Variants in AGBL4 observed in about 807,000 individuals in gnomAD.
The protein encoded by AGBL4 is AGBL carboxypeptidase 4, also known as cytosolic carboxypeptidase 6.
In AGBL4, 58 loss-of-function variants were observed where a neutral mutation model predicts 66.4. The observed-to-expected ratio is 0.87, with a 90% CI of 0.71 to 1.09. The LOEUF is 1.09. Among genes scored for constraint, AGBL4 ranks in the 50% least tolerant of loss-of-function variants. The pLI is 0.00. For synonymous variants in AGBL4, 234 were observed against 222.9 expected (o/e 1.05, Z -0.44); for missense variants, 579 against 631.0 (o/e 0.92, Z 0.88).
chr1:49,476,890 C>T (rs147527620), intron 3 of AGBL4, among the ~76,000 whole-genome samples: 1 of 152,048 alleles, frequency 6.6e-6, no homozygotes, highest in East Asian at 1.9e-4. Context: ...ACTGAAGAGC[C>T]CTTGGGCCTG....
chr1:48,564,841 G>A (rs1281003138), intron 11 of AGBL4, among the ~76,000 whole-genome samples: 2 of 152,120 alleles, frequency 1.3e-5, no homozygotes, highest in African/African-American at 4.8e-5. Flanking sequence ...GTCAGCCATG[G>A]GCCACCAGTT....
At chr1:49,616,290 A>G (rs1421892046) in intron 3 of AGBL4, among the ~76,000 whole-genome samples, 2 of 152,070 alleles carry the variant, frequency 1.3e-5, no homozygotes, top group Non-Finnish European at 1.5e-5. Flanking sequence ...CACATCCCTC[A>G]ATTTACTTGA....
intron 2 of AGBL4, among the ~76,000 whole-genome samples, chr1:49,738,141 G>A (rs1217283518): frequency 6.6e-6 from 1 of 152,242 alleles, no homozygotes; most frequent in East Asian, 1.9e-4. Context: ...AGGGATTAGG[G>A]AATTCCCTTT....
chr1:48,939,117 C>T (rs1655726910), intron 5 of AGBL4, among the ~76,000 whole-genome samples: 1 of 152,218 alleles, frequency 6.6e-6, no homozygotes, highest in Non-Finnish European at 1.5e-5. Flanking sequence ...GCTAGAGCAA[C>T]ATCTCTTTAT....
intron 4 of AGBL4, among the ~76,000 whole-genome samples, chr1:49,072,382 G>T (rs1644624800): frequency 6.6e-6 from 1 of 152,178 alleles, no homozygotes; most frequent in African/African-American, 2.4e-5. Flanking sequence ...GCTGGTACCG[G>T]TTGTCCCTTT....
In AGBL4 at chr1:49,394,898, C is replaced by T. The variant is rs746920292; in HGVS notation, c.283-149034G>A. On this transcript the variant is annotated intron_variant, in intron 3 of 13. Coordinates refer to ENST00000371839, the MANE Select transcript of AGBL4 (RefSeq NM_032785.4). ...ATCAGGTGTTTATTTTCATTCTGGTCTCTCTGCCTAATGCTTTCCTTCAAA... is the reference window on the plus strand; with the variant it reads ...ATCAGGTGTTTATTTTCATTCTGGTTTCTCTGCCTAATGCTTTCCTTCAAA... Among the ~76,000 whole-genome samples, 107 of 152,290 alleles carry T rather than the reference C, an allele frequency of 7.0e-4. 1 individual carries two copies. Among genetic ancestry groups the T allele is most frequent in the Middle Eastern group, 3.4e-3 (1 of 294 alleles).
rs544315129 is a variant in AGBL4 at position 49,369,717 on chromosome 1, G to A, written c.283-123853C>T. ...GTATATGGAAACTAACCAAAGATGA[G>A]GAAAAAAACACTGGAAAGGAGTAAG... On this transcript the variant is annotated intron_variant, in intron 3 of 13. Coordinates refer to ENST00000371839, the MANE Select transcript of AGBL4 (RefSeq NM_032785.4). Among the ~76,000 whole-genome samples the A allele has an allele frequency of 7.2e-4, 109 of 152,048 alleles. 1 individual carries two copies. The South Asian group carries it at 0.022, about 31-fold the overall frequency.
chr1:49,352,198 C>T (rs1196924580), intron 3 of AGBL4, among the ~76,000 whole-genome samples: 2 of 152,102 alleles, frequency 1.3e-5, no homozygotes, highest in Non-Finnish European at 2.9e-5. Flanking sequence ...CATCAGTTAG[C>T]CTAATTGGAA....
chr1:49,399,769 G>C (rs780101213), intron 3 of AGBL4, among the ~76,000 whole-genome samples: 2 of 151,902 alleles, frequency 1.3e-5, no homozygotes, highest in African/African-American at 4.8e-5. Flanking sequence ...ATGGGTAGTT[G>C]AAAAATATCT....
At chr1:49,010,063 C>A (rs1461620960) in intron 5 of AGBL4, among the ~76,000 whole-genome samples, 1 of 152,090 alleles carries the variant, frequency 6.6e-6, no homozygotes, top group East Asian at 1.9e-4. Flanking sequence ...AAAGGGTATT[C>A]AATTAGGAAA....
intron 5 of AGBL4, among the ~76,000 whole-genome samples, chr1:49,040,878 A>C (rs1406634208): frequency 6.6e-6 from 1 of 152,110 alleles, no homozygotes; most frequent in East Asian, 1.9e-4. Flanking sequence ...ATAAGGTACT[A>C]AAAATCATAA....
chr1:49,680,242 G>A (rs1004690733), intron 3 of AGBL4, among the ~76,000 whole-genome samples: 1 of 151,166 alleles, frequency 6.6e-6, no homozygotes, highest in African/African-American at 2.4e-5. Flanking sequence ...GTAGAGATGG[G>A]GTTTCACCAT....
chr1:49,865,301 CTG>C (rs1414991655), intron 1 of AGBL4, among the ~76,000 whole-genome samples: 1 of 152,182 alleles, frequency 6.6e-6, no homozygotes, highest in Non-Finnish European at 1.5e-5. Flanking sequence ...TGCCTCCTGA[CTG>C]GATGAGACAG....
chr1:48,874,906 T>C (rs1341621135), intron 5 of AGBL4, among the ~76,000 whole-genome samples: 1 of 152,206 alleles, frequency 6.6e-6, no homozygotes, highest in Non-Finnish European at 1.5e-5. Flanking sequence ...CCTTGGCTCC[T>C]GCCCTTGACA....
Position 49,598,746 on chromosome 1 carries a change from A to T in AGBL4, c.282+98567T>A, listed in dbSNP as rs528754404. On this transcript the variant is annotated intron_variant, in intron 3 of 13. Coordinates refer to ENST00000371839, the MANE Select transcript of AGBL4 (RefSeq NM_032785.4). ...CTGGGAGAACCACTGCTCTCTTCAA[A>T]GCTGTCAGACAGGGACATTTAAGTC... 3.9e-3 allele frequency among the ~76,000 whole-genome samples: 600 copies of T among 152,226 alleles called. 2 individuals are homozygous for T. The highest frequency in any genetic ancestry group is 6.1e-3 in the Non-Finnish European group (414 of 68,004).
At chr1:49,350,055 T>C (rs929527357) in intron 3 of AGBL4, among the ~76,000 whole-genome samples, 18 of 152,206 alleles carry the variant, frequency 1.2e-4, no homozygotes, top group African/African-American at 4.1e-4. Flanking sequence ...TATTTTGTTA[T>C]AGCAGCTCTA....
intron 8 of AGBL4, among the ~76,000 whole-genome samples, chr1:48,646,219 G>A (rs191490632): frequency 4.7e-4 from 72 of 152,254 alleles, no homozygotes; most frequent in Admixed American, 4.2e-3. Flanking sequence ...AATGTTTCTC[G>A]TGATGCTGTG....
chr1:49,462,856 G>A (rs1646545357), intron 3 of AGBL4, among the ~76,000 whole-genome samples: 1 of 151,714 alleles, frequency 6.6e-6, no homozygotes, highest in Non-Finnish European at 1.5e-5. Flanking sequence ...TAAACCTCAA[G>A]ATCCCCAAGA....
At chr1:49,178,151 C>T (rs147342085) in intron 4 of AGBL4, among the ~76,000 whole-genome samples, 1 of 152,288 alleles carries the variant, frequency 6.6e-6, no homozygotes, top group African/African-American at 2.4e-5. Context: ...CTAATTCTTT[C>T]ACTTACTAGC....
Sources: gnomAD v4.1 joint callset for allele counts (sites outside exome capture counted in the v4.1 genomes callset) on GRCh38, gnomAD v4.1.1 for gene constraint, MANE v1.5 for transcripts, NCBI Gene and HGNC (gene_info 2026-07-23, HGNC 2026-07-21) for gene names.